The following ZNF516 variants were observed in gnomAD, a reference collection of about 807,000 sequenced individuals.
ZNF516 encodes zinc finger protein 516.
Under a neutral mutation model 79.7 loss-of-function variants are expected in ZNF516, and 19 were observed. That is an observed-to-expected ratio of 0.24 (90% CI 0.17 to 0.35). The LOEUF is 0.35. Among genes scored for constraint, ZNF516 ranks in the 10% least tolerant of loss-of-function variants. The pLI is 1.00. For synonymous variants in ZNF516, 877 were observed against 739.5 expected (o/e 1.19, Z -3.02); for missense variants, 1,678 against 1,679.5 (o/e 1.00, Z 0.02).
chr18:76,489,757 A>C (rs1915052471), intron 1 of ZNF516, among the ~76,000 whole-genome samples: 1 of 152,190 alleles, frequency 6.6e-6, no homozygotes, highest in Admixed American at 6.5e-5. Context: ...CATTTCTCAA[A>C]GTTAAAGTTC....
At chr18:76,387,918 A>C (rs903025413) in intron 3 of ZNF516, 2 of 152,222 alleles carry the variant, frequency 1.3e-5, no homozygotes, top group African/African-American at 4.8e-5. Context: ...ATGCCTCCCT[A>C]TCCTGTACCC....
chr18:76,425,806 G>A (rs763727407), intron 3 of ZNF516, among the ~76,000 whole-genome samples: 3 of 152,136 alleles, frequency 2.0e-5, no homozygotes, highest in African/African-American at 7.2e-5. Flanking sequence ...GACAACCCAC[G>A]AGGGGTCGAG....
intron 1 of ZNF516, among the ~76,000 whole-genome samples, chr18:76,463,671 T>C (rs1913266276): frequency 6.6e-6 from 1 of 152,148 alleles, no homozygotes; most frequent in African/African-American, 2.4e-5. Context: ...ACTAGGGTAC[T>C]AGGGAGCCAG....
At position 76,467,949 on chromosome 18, in the gene ZNF516, AAGCAAAG is replaced by A. The variant is rs901791081; in HGVS notation, c.-271-4815_-271-4809del. On this transcript the variant is annotated intron_variant, in intron 1 of 6. Transcript: ENST00000443185. The surrounding 1 kb of genome is among the most constrained non-coding windows in gnomAD (Gnocchi z 4.2). ...CCACTGTCATCCCAGGCAGCCTTGCAAGCAAAGAGTAGCTGCGGCGCATTCCAGACCT... is the reference window on the plus strand; with the variant it reads ...CCACTGTCATCCCAGGCAGCCTTGCAAGTAGCTGCGGCGCATTCCAGACCT... Among the ~76,000 whole-genome samples the A allele has an allele frequency of 1.3e-5, 2 of 152,156 alleles. No individual in the cohort carries two copies. The highest frequency in any genetic ancestry group is 1.3e-4 in the Admixed American group (2 of 15,284).
intron 3 of ZNF516, among the ~76,000 whole-genome samples, chr18:76,413,062 GA>G (rs2075390785): frequency 6.6e-6 from 1 of 152,240 alleles, no homozygotes; most frequent in Non-Finnish European, 1.5e-5. Flanking sequence ...AGGCCTCTGT[GA>G]GGAAGCGGGA....
At position 76,360,646 on chromosome 18, in the gene ZNF516, A is replaced by AT. The variant is rs1555693935; in HGVS notation, c.*1851_*1852insA. The AT allele has an allele frequency of 0.015, 1,100 of 72,414 alleles. 26 individuals carry two copies. The highest frequency in any genetic ancestry group is 0.036 in the South Asian group (72 of 1,980). 4.5% of individuals were successfully genotyped at this position (72,414 alleles called of 1,614,324 possible). A position where few individuals can be genotyped will look rare whatever the true frequency, so the allele number is the denominator to read the frequency against. ...AAAAAAATAAGTAAAAAAAAAAAAA[A>AT]ATATATATATATATATATATATATA... On this transcript the variant is annotated 3_prime_UTR_variant, in exon 7 of 7. Transcript: ENST00000443185.
chr18:76,441,712 G>T lies in ZNF516; in HGVS notation c.1343C>A (p.Ala448Asp). 2 of 1,572,532 alleles carry T rather than the reference G, an allele frequency of 1.3e-6. No individual in the cohort carries two copies. Among genetic ancestry groups the T allele is most frequent in the Non-Finnish European group, 8.6e-7 (1 of 1,163,076 alleles). The change falls in exon 3 of 7, where the codon GCC becomes GAC. Residue 448 changes from alanine to aspartate, a missense_variant. Physicochemically the swap from Ala to Asp is moderately radical, Grantham distance 126 (BLOSUM62 -2). Coordinates refer to ENST00000443185, the MANE Select transcript of ZNF516 (RefSeq NM_014643.4). ...GTACTCGCGCCTGTCCTTGTCGAAG[G>T]CCACGTCCCCGGCCAGCGCCTCGTC... ...AWDEALAGDV[A>D]FDKDRREYVL... is the part of the protein sequence containing the mutation.
At chr18:76,458,759 CGTGT>C (rs1020617760) in intron 2 of ZNF516, among the ~76,000 whole-genome samples, 6 of 147,892 alleles carry the variant, frequency 4.1e-5, no homozygotes, top group East Asian at 2.0e-4. Context: ...CACCGTCGTG[CGTGT>C]GTGTGCCTCG....
At chr18:76,445,495 C>T (rs994859952) in intron 2 of ZNF516, among the ~76,000 whole-genome samples, 1 of 151,850 alleles carries the variant, frequency 6.6e-6, no homozygotes, top group Non-Finnish European at 1.5e-5. Flanking sequence ...AATGCTGAAT[C>T]TGATATTCAA....
At chr18:76,460,585 TA>T (rs139101569) in intron 2 of ZNF516, among the ~76,000 whole-genome samples, 2,678 of 152,162 alleles carry the variant, frequency 0.018, 90 homozygotes, top group African/African-American at 0.062. Flanking sequence ...CACTGACCAG[TA>T]AAAAAACTGG....
chr18:76,411,842 A>T (rs2075375350), intron 3 of ZNF516, among the ~76,000 whole-genome samples: 1 of 152,160 alleles, frequency 6.6e-6, no homozygotes, highest in Non-Finnish European at 1.5e-5. Flanking sequence ...AACGTGTACC[A>T]CCCCTCCAGC....
At chr18:76,426,588 T>C (rs541122155) in intron 3 of ZNF516, among the ~76,000 whole-genome samples, 50 of 152,352 alleles carry the variant, frequency 3.3e-4, no homozygotes, top group African/African-American at 1.2e-3. Flanking sequence ...AGGAATAATG[T>C]ATTTTTATGT....
intron 4 of ZNF516, among the ~76,000 whole-genome samples, chr18:76,375,677 T>A (rs1450873469): frequency 7.1e-6 from 1 of 140,672 alleles, no homozygotes; most frequent in Non-Finnish European, 1.5e-5. Context: ...AGAGGATGGA[T>A]GGGAAGGCCC....
intron 4 of ZNF516, among the ~76,000 whole-genome samples, chr18:76,373,486 C>T (rs1568234237): frequency 6.6e-6 from 1 of 152,334 alleles, no homozygotes; most frequent in East Asian, 1.9e-4. Flanking sequence ...ACAATCTAGA[C>T]TGCTTCTACA....
Position 76,380,090 on chromosome 18 carries a change from A to C in ZNF516, c.2024T>G (p.Met675Arg), listed in dbSNP as rs1388164646. 1.9e-6 allele frequency: 3 copies of C among 1,613,838 alleles called. No individual in the cohort carries two copies. Among genetic ancestry groups the C allele is most frequent in the Non-Finnish European group, 1.7e-6 (2 of 1,179,884 alleles). Reference protein sequence around the residue: ...EQHRFSMDLKMPAFHPKQEVP... With the variant: ...EQHRFSMDLKRPAFHPKQEVP... The stretch of plus-strand genomic sequence containing the variant: ...CTCCTGCTTGGGGTGAAATGCTGGC[A>C]TCTTTAAGTCCATAGAAAATCTGTG... Residue 675 changes from methionine to arginine, a missense_variant, in exon 4 of 7, where the codon ATG (methionine) becomes AGG (arginine). Transcript: ENST00000443185.
intron 3 of ZNF516, among the ~76,000 whole-genome samples, chr18:76,398,623 T>C (rs1300573495): frequency 1.4e-5 from 2 of 145,982 alleles, no homozygotes; most frequent in South Asian, 4.4e-4. Flanking sequence ...AATGGGGGCC[T>C]TTCTGAAGGA....
Position 76,467,265 on chromosome 18 carries a change from C to G in ZNF516, c.-271-4124G>C, listed in dbSNP as rs1428191117. Among the ~76,000 whole-genome samples, 3 of 3,138 alleles carry G rather than the reference C, an allele frequency of 9.6e-4. No individual in the cohort carries two copies. Among genetic ancestry groups the G allele is most frequent in the South Asian group, 0.083 (1 of 12 alleles). The allele number at this position is 3,138 out of a possible 152,430, so 2.1% of individuals were successfully genotyped here. A position where few individuals can be genotyped will look rare whatever the true frequency, so the allele number is the denominator to read the frequency against. ...TCTCTCGGAACCTGCAGCTGACAGC[C>G]CCTCTGGGTTGGCAGGAAGTCCTGC... On this transcript the variant is annotated intron_variant, in intron 1 of 6. Coordinates refer to ENST00000443185, the MANE Select transcript of ZNF516 (RefSeq NM_014643.4). This position sits in a 1 kb window ranked among gnomAD's most constrained non-coding sequence, Gnocchi z 4.2.
chr18:76,420,807 A>G (rs192139481), intron 3 of ZNF516, among the ~76,000 whole-genome samples: 2 of 152,336 alleles, frequency 1.3e-5, no homozygotes, highest in East Asian at 1.9e-4. Flanking sequence ...TTTCATCAGG[A>G]AAGTTTATGC....
chr18:76,437,457 T>G (rs1325461520), intron 3 of ZNF516, among the ~76,000 whole-genome samples: 1 of 151,828 alleles, frequency 6.6e-6, no homozygotes, highest in Non-Finnish European at 1.5e-5. Context: ...TTTTTTTCTT[T>G]GAAGACTCTT....
Sources: gnomAD v4.1 joint callset for allele counts (sites outside exome capture counted in the v4.1 genomes callset) on GRCh38, gnomAD v4.1.1 for gene constraint, Gnocchi (gnomAD v3.1) non-coding constraint, MANE v1.5 for transcripts, NCBI Gene and HGNC (gene_info 2026-07-23, HGNC 2026-07-21) for gene names.